The following NRXN1 variants were observed in gnomAD, a reference collection of about 807,000 sequenced individuals.
NRXN1 encodes neurexin-1.
NRXN1 carries 39 observed loss-of-function variants against 150.9 expected under a neutral mutation model. The observed-to-expected ratio is 0.26, with a 90% CI of 0.20 to 0.34. The LOEUF (loss-of-function observed/expected upper bound fraction) is 0.34. Ranked by LOEUF, NRXN1 falls within the 10% of genes least tolerant of loss-of-function variation. The pLI is 1.00. For synonymous variants in NRXN1, 924 were observed against 757.0 expected, an observed-to-expected ratio of 1.22 and a Z score of -3.62; for missense variants, 1,815 against 1,949.9, an observed-to-expected ratio of 0.93 and a Z score of 1.30.
At chr2:50,479,310 T>A (rs1195187675) in intron 15 of NRXN1, among the ~76,000 whole-genome samples, 1 of 152,144 alleles carries the variant, frequency 6.6e-6, no homozygotes, top group African/African-American at 2.4e-5. Flanking sequence ...CATGAATGCC[T>A]TTCCTCTTCT....
intron 18 of NRXN1, among the ~76,000 whole-genome samples, chr2:50,214,920 G>A (rs1420087796): frequency 2.0e-5 from 3 of 151,920 alleles, no homozygotes; most frequent in African/African-American, 7.2e-5. Context: ...CTGATGCAGG[G>A]TAAAATAAAA....
At chr2:50,422,288 G>T (rs192250721) in intron 17 of NRXN1, among the ~76,000 whole-genome samples, 1 of 152,198 alleles carries the variant, frequency 6.6e-6, no homozygotes, top group Admixed American at 6.5e-5. Context: ...TAAAACACCA[G>T]TTTGTGTCCC....
intron 15 of NRXN1, among the ~76,000 whole-genome samples, chr2:50,495,384 T>TG (rs2091524842): frequency 2.3e-5 from 3 of 129,920 alleles, no homozygotes; most frequent in African/African-American, 9.5e-5. Context: ...GTGTGTGGTG[T>TG]GTGTGTGTGT....
intron 8 of NRXN1, among the ~76,000 whole-genome samples, chr2:50,561,285 T>G (rs1304193018): frequency 6.6e-6 from 1 of 152,242 alleles, no homozygotes; most frequent in African/African-American, 2.4e-5. Flanking sequence ...CAGAATAACC[T>G]GAGTTTCATT....
At chr2:50,591,380 T>C (rs1050843364) in intron 8 of NRXN1, among the ~76,000 whole-genome samples, 2 of 127,734 alleles carry the variant, frequency 1.6e-5, no homozygotes, top group African/African-American at 5.9e-5. Context: ...ACACTATATA[T>C]CAGATAGATA....
At chr2:50,272,858 A>T (rs2069882979) in intron 17 of NRXN1, among the ~76,000 whole-genome samples, 1 of 152,138 alleles carries the variant, frequency 6.6e-6, no homozygotes, top group South Asian at 2.1e-4. Flanking sequence ...GCTACTTATT[A>T]AAAGAGAAAT....
In NRXN1 at chr2:50,170,282, A is replaced by ATTTTG. The variant is rs542755364; in HGVS notation, c.3546+66502_3546+66506dup. ...TGCTCAAGGAAATACTCATTAGAAC[A>ATTTTG]TTTTGTTTTGTTTTGTTTTGTTTTG... is the stretch of plus-strand genomic sequence containing the variant. On this transcript the variant is annotated intron_variant, in intron 18 of 22. Transcript: ENST00000401669. Among the ~76,000 whole-genome samples the ATTTTG allele has an allele frequency of 1.6e-4, 25 of 151,772 alleles. No homozygotes were observed. The Middle Eastern group carries it at 0.01, about 62-fold the overall frequency.
intron 21 of NRXN1, among the ~76,000 whole-genome samples, chr2:50,010,219 G>A (rs1330105657): frequency 6.6e-6 from 1 of 151,986 alleles, no homozygotes; most frequent in Non-Finnish European, 1.5e-5. Context: ...TCAATAAGAA[G>A]TCAAGCATTC....
chr2:49,993,489 C>G (rs2152523324), intron 21 of NRXN1, among the ~76,000 whole-genome samples: 1 of 152,202 alleles, frequency 6.6e-6, no homozygotes, highest in East Asian at 1.9e-4. Context: ...AGATCCATGC[C>G]ATGATATATT....
intron 17 of NRXN1, among the ~76,000 whole-genome samples, chr2:50,358,737 G>A (rs2078991185): frequency 6.6e-6 from 1 of 152,224 alleles, no homozygotes; most frequent in South Asian, 2.1e-4. Flanking sequence ...TCTGCTAAGG[G>A]ACAGACTGCC....
intron 17 of NRXN1, among the ~76,000 whole-genome samples, chr2:50,327,345 G>A (rs1416412241): frequency 6.6e-6 from 1 of 152,142 alleles, no homozygotes. Context: ...AATCACTTAT[G>A]ATGATAGTTA....
At chr2:50,303,984 C>T (rs556938612) in intron 17 of NRXN1, among the ~76,000 whole-genome samples, 317 of 152,160 alleles carry the variant, frequency 2.1e-3, no homozygotes, top group African/African-American at 7.3e-3. Flanking sequence ...TATATAGCTT[C>T]AGACAAAATA....
intron 18 of NRXN1, among the ~76,000 whole-genome samples, chr2:50,190,238 T>C (rs560710961): frequency 6.6e-6 from 1 of 152,180 alleles, no homozygotes; most frequent in Non-Finnish European, 1.5e-5. Flanking sequence ...TAAGAATATA[T>C]TTCAACTATG....
intron 17 of NRXN1, among the ~76,000 whole-genome samples, chr2:50,428,256 A>C (rs1255492824): frequency 6.6e-6 from 1 of 152,114 alleles, no homozygotes; most frequent in African/African-American, 2.4e-5. Flanking sequence ...TCTACGAAAA[A>C]ATAAAACATT....
At chr2:50,343,395 G>GCATT (rs1189235032) in intron 17 of NRXN1, among the ~76,000 whole-genome samples, 1 of 152,004 alleles carries the variant, frequency 6.6e-6, no homozygotes, top group Admixed American at 6.6e-5. Context: ...GCGTTAAGTA[G>GCATT]CATTCTTAAT....
At chr2:50,739,231 G>A (rs772908852) in intron 5 of NRXN1, 5 of 501,042 alleles carry the variant, frequency 1.0e-5, no homozygotes, top group African/African-American at 5.8e-5. Context: ...AGGGCACTGG[G>A]TTCATTGAGG....
At chr2:50,254,344 T>A (rs2152903074) in intron 17 of NRXN1, among the ~76,000 whole-genome samples, 1 of 151,934 alleles carries the variant, frequency 6.6e-6, no homozygotes, top group East Asian at 1.9e-4. Flanking sequence ...TCTGTCTTAT[T>A]ATTTTTTTTC....
intron 2 of NRXN1, among the ~76,000 whole-genome samples, chr2:50,981,324 G>A (rs537190725): frequency 6.6e-6 from 1 of 151,614 alleles, no homozygotes; most frequent in Non-Finnish European, 1.5e-5. Context: ...CAGGTGTGGT[G>A]ACAGGCACCT....
intron 5 of NRXN1, among the ~76,000 whole-genome samples, chr2:50,840,440 G>A (rs1672703379): frequency 6.6e-6 from 1 of 151,974 alleles, no homozygotes; most frequent in Non-Finnish European, 1.5e-5. Flanking sequence ...TCATTTCACC[G>A]CTGAGACGAA....
Sources: allele counts gnomAD v4.1 joint callset (sites outside exome capture counted in the v4.1 genomes callset), GRCh38; gene constraint gnomAD v4.1.1; transcripts MANE v1.5; gene names NCBI Gene and HGNC (gene_info 2026-07-23, HGNC 2026-07-21).